Variants in PIP4K2B observed in about 807,000 individuals in gnomAD.
The protein encoded by PIP4K2B is phosphatidylinositol 5-phosphate 4-kinase type-2 beta.
In PIP4K2B, 3 loss-of-function variants were observed where a neutral mutation model predicts 42.0. The ratio of observed to expected loss-of-function variants is 0.07; its 90% CI spans 0.03 to 0.18. The LOEUF is 0.18. PIP4K2B is among the 10% of genes least tolerant of loss of function. The probability of loss-of-function intolerance (pLI) is 1.00; values close to 1 mark genes in which losing one functional copy is unlikely to be tolerated. For missense variants in PIP4K2B, 332 were observed against 562.3 expected (o/e 0.59, Z 4.14); for synonymous variants, 204 against 210.1 (o/e 0.97, Z 0.25).
chr17:38,778,076 T>C (rs769261558), intron 6 of PIP4K2B, among the ~76,000 whole-genome samples: 5 of 152,212 alleles, frequency 3.3e-5, no homozygotes, highest in Non-Finnish European at 7.3e-5. Context: ...TGACTCAGGC[T>C]GGACTATGAG....
rs1009825649 is a variant in PIP4K2B, at chr17:38,799,517, C to T, written c.-93G>A. ...AGGCCTCCCCCGGACCGATCCCCAC[C>T]CCCGCTCCCTCACCGCGCCATGGTC... is the stretch of plus-strand genomic sequence containing the variant. On this transcript the variant is annotated 5_prime_UTR_variant, in exon 1 of 10. Coordinates refer to ENST00000619039, the MANE Select transcript of PIP4K2B (RefSeq NM_003559.5). This position sits in a 1 kb window ranked among gnomAD's most constrained non-coding sequence, Gnocchi z 4.4. The T allele has an allele frequency of 4.5e-6, 6 of 1,344,898 alleles. No individual in the cohort carries two copies. The highest frequency in any genetic ancestry group is 5.7e-6 in the Non-Finnish European group (6 of 1,053,246). The allele number at this position is 1,344,898 out of a possible 1,614,324, so 83.3% of individuals were successfully genotyped here.
chr17:38,778,888 T>A (rs1015946688), intron 5 of PIP4K2B, among the ~76,000 whole-genome samples: 5 of 151,992 alleles, frequency 3.3e-5, no homozygotes, highest in African/African-American at 1.2e-4. Flanking sequence ...AGATGTGAAA[T>A]CCTGGGAAGA....
At chr17:38,785,657 C>T (rs1039707052) in intron 2 of PIP4K2B, among the ~76,000 whole-genome samples, 5 of 152,132 alleles carry the variant, frequency 3.3e-5, no homozygotes, top group Admixed American at 2.6e-4. Context: ...ACAGCCTGGG[C>T]AACAAGAGTG....
In PIP4K2B at chr17:38,767,636, A is replaced by AGACCAAAT. The variant is rs1455912772; in HGVS notation, c.*2047_*2054dup. On this transcript the variant is annotated 3_prime_UTR_variant, in exon 10 of 10. Transcript: ENST00000619039. ...TACACATTATGGCAACATGATCAGC[A>AGACCAAAT]GACCAAATGCAGAGAAGCCGGTAGG... 4 of 152,226 alleles carry AGACCAAAT rather than the reference A, an allele frequency of 2.6e-5. No individual in the cohort carries two copies. Among genetic ancestry groups the AGACCAAAT allele is most frequent in the Admixed American group, 6.5e-5 (1 of 15,278 alleles). 9.4% of individuals were successfully genotyped at this position (152,226 alleles called of 1,614,324 possible). A position where few individuals can be genotyped will look rare whatever the true frequency, so the allele number is the denominator to read the frequency against.
chr17:38,767,600 T>TA lies in PIP4K2B; in HGVS notation c.*2090dup. On this transcript the variant is annotated 3_prime_UTR_variant, in exon 10 of 10. Coordinates refer to ENST00000619039, the MANE Select transcript of PIP4K2B (RefSeq NM_003559.5). The stretch of plus-strand genomic sequence containing the variant: ...TCGTCTTTAACCAGTAAGAATGTGT[T>TA]ACACTTTCCATACACATTATGGCAA... The TA allele has an allele frequency of 6.6e-6, 1 of 152,266 alleles. No individual in the cohort carries two copies. The allele number at this position is 152,266 out of a possible 1,614,324, so 9.4% of individuals were successfully genotyped here.
intron 1 of PIP4K2B, among the ~76,000 whole-genome samples, chr17:38,796,028 C>T (rs1402512932): frequency 1.3e-5 from 2 of 152,070 alleles, no homozygotes; most frequent in South Asian, 2.1e-4. Context: ...ATCCCAGCTA[C>T]TGAGGAGGCT....
chr17:38,780,341 A>C, intron 4 of PIP4K2B, 111 bp downstream of exon 4: 1 of 820,640 alleles, frequency 1.2e-6, no homozygotes, highest in Non-Finnish European at 1.9e-6. Context: ...GGTGATCAGA[A>C]GCAGCTGCCA....
chr17:38,799,448 C>T lies in PIP4K2B; in HGVS notation c.-24G>A, dbSNP rs752629129. On this transcript the variant is annotated 5_prime_UTR_variant, in exon 1 of 10. Coordinates refer to ENST00000619039, the MANE Select transcript of PIP4K2B (RefSeq NM_003559.5). The surrounding 1 kb of genome is among the most constrained non-coding windows in gnomAD (Gnocchi z 4.4). Reference sequence around the variant, plus strand: ...ATGCCCGGGGCGGCGGCGGCGGCGGCGAAAGAGGGGGGCGGCGGAGACAGC... The same window carrying T: ...ATGCCCGGGGCGGCGGCGGCGGCGGTGAAAGAGGGGGGCGGCGGAGACAGC... 6.5e-7 allele frequency: 1 copy of T among 1,549,730 alleles called. No individual in the cohort carries two copies. Among genetic ancestry groups the T allele is most frequent in the South Asian group, 1.2e-5 (1 of 86,600 alleles).
At chr17:38,770,880 C>T in intron 8 of PIP4K2B, 134 bp downstream of exon 8, 1 of 1,002,488 alleles carries the variant, frequency 1.0e-6, no homozygotes, top group Non-Finnish European at 1.5e-6. Context: ...GGATGGGAAT[C>T]TGGAGGCAGA....
chr17:38,780,027 G>C (rs938227005), intron 4 of PIP4K2B: 37 of 178,968 alleles, frequency 2.1e-4, no homozygotes, highest in Non-Finnish European at 7.0e-5. Flanking sequence ...AGCTCCCTTC[G>C]GCCCTTCTCA....
intron 8 of PIP4K2B, 25 bp from the exon 9 acceptor site, chr17:38,770,564 A>T: frequency 7.5e-7 from 1 of 1,340,750 alleles, no homozygotes; most frequent in Non-Finnish European, 1.1e-6. Flanking sequence ...AGAGCAGGGA[A>T]GAAGGAAGAG....
chr17:38,770,608 T>G (rs1908967109), intron 8 of PIP4K2B, 69 bp from the exon 9 acceptor site: 2 of 852,518 alleles, frequency 2.3e-6, no homozygotes, highest in South Asian at 2.9e-5. Context: ...AGCTGGGCAC[T>G]GCTACAACCC....
chr17:38,790,320 G>C (rs958360870), intron 1 of PIP4K2B, among the ~76,000 whole-genome samples: 1 of 152,172 alleles, frequency 6.6e-6, no homozygotes, highest in Non-Finnish European at 1.5e-5. Flanking sequence ...ACAATTCGTG[G>C]TGGCTGTCCC....
chr17:38,784,076 T>G (rs1909863968), intron 3 of PIP4K2B, among the ~76,000 whole-genome samples, 167 bp downstream of exon 3: 1 of 152,124 alleles, frequency 6.6e-6, no homozygotes, highest in African/African-American at 2.4e-5. Context: ...GCCCTCGCCC[T>G]GCAAGGGGCC....
rs1465473859 is a variant in PIP4K2B, at chr17:38,766,943, A to C, written c.*2748T>G. 6.6e-6 allele frequency: 1 copy of C among 152,398 alleles called. No individual in the cohort carries two copies. Among genetic ancestry groups the C allele is most frequent in the African/African-American group, 2.4e-5 (1 of 41,458 alleles). 9.4% of individuals were successfully genotyped at this position (152,398 alleles called of 1,614,324 possible). A position where few individuals can be genotyped will look rare whatever the true frequency, so the allele number is the denominator to read the frequency against. On this transcript the variant is annotated 3_prime_UTR_variant, in exon 10 of 10. Coordinates refer to ENST00000619039, the MANE Select transcript of PIP4K2B (RefSeq NM_003559.5). ...CTCGGCTGCGGACTTGTGGAAGAAG[A>C]GGGGGAAGGATGGGAGAAGGGGTGA...
intron 4 of PIP4K2B, 102 bp downstream of exon 4, chr17:38,780,350 C>T: frequency 1.1e-6 from 1 of 942,284 alleles, no homozygotes; most frequent in Non-Finnish European, 1.6e-6. Flanking sequence ...AAGCAGCTGC[C>T]ATTACCAGAG....
chr17:38,794,413 A>G (rs562778892), intron 1 of PIP4K2B, among the ~76,000 whole-genome samples: 7 of 151,804 alleles, frequency 4.6e-5, no homozygotes, highest in East Asian at 1.9e-4. Context: ...CACTGTTCCC[A>G]TGGTCATCAA....
In PIP4K2B at chr17:38,787,736, G is replaced by C. The variant is rs190510690; in HGVS notation, c.160-816C>G. On this transcript the variant is annotated intron_variant, in intron 1 of 9. Coordinates refer to ENST00000619039, the MANE Select transcript of PIP4K2B (RefSeq NM_003559.5). ...AGCCTCCCAAGTAGCTGGGATTACA[G>C]GCATGCACCACCATGTCCAGCTAAT... Among the ~76,000 whole-genome samples, 632 of 152,274 alleles carry C rather than the reference G, an allele frequency of 4.2e-3. 4 individuals are homozygous for C. The highest frequency in any genetic ancestry group is 0.014 in the African/African-American group (602 of 41,550).
At chr17:38,792,045 G>A (rs1021480612) in intron 1 of PIP4K2B, among the ~76,000 whole-genome samples, 1 of 151,776 alleles carries the variant, frequency 6.6e-6, no homozygotes, top group Non-Finnish European at 1.5e-5. Flanking sequence ...GCAGTGAGCC[G>A]AGTTCATGCC....
Sources: allele counts gnomAD v4.1 joint callset (sites outside exome capture counted in the v4.1 genomes callset), GRCh38; gene constraint gnomAD v4.1.1; non-coding constraint Gnocchi (gnomAD v3.1); transcripts MANE v1.5; gene names NCBI Gene and HGNC (gene_info 2026-07-23, HGNC 2026-07-21).